The following IFTAP variants were observed in gnomAD, a reference collection of about 807,000 sequenced individuals.
IFTAP encodes the protein intraflagellar transport associated protein.
Under a neutral mutation model 19.4 loss-of-function variants are expected in IFTAP, and 19 were observed. The ratio of observed to expected loss-of-function variants is 0.98; its 90% CI spans 0.68 to 1.44. The LOEUF (loss-of-function observed/expected upper bound fraction) is 1.44, where lower values mean the gene tolerates loss of function less well. Ranked by LOEUF, IFTAP falls within the 40% of genes most tolerant of loss-of-function variation. IFTAP has a pLI of 0.00. For missense variants in IFTAP, 240 were observed against 253.6 expected (o/e 0.95, Z 0.36); for synonymous variants, 85 against 83.5 (o/e 1.02, Z -0.10).
At chr11:36,636,745 A>G (rs1265464901) in intron 4 of IFTAP, among the ~76,000 whole-genome samples, 1 of 151,016 alleles carries the variant, frequency 6.6e-6, no homozygotes, top group Non-Finnish European at 1.5e-5. Context: ...TACTAAAGAT[A>G]TATTGTAAAT....
chr11:36,610,346 C>T, intron 2 of IFTAP, 107 bp downstream of exon 2: 4 of 1,070,474 alleles, frequency 3.7e-6, no homozygotes, highest in Non-Finnish European at 5.3e-6. Flanking sequence ...ACATTCATTC[C>T]ATTCGTTTAT....
intron 2 of IFTAP, 73 bp from the exon 3 acceptor site, chr11:36,633,211 T>G: frequency 7.7e-7 from 1 of 1,301,322 alleles, no homozygotes; most frequent in Non-Finnish European, 1.0e-6. Flanking sequence ...GAAGAAACTT[T>G]CTCAATATAC....
intron 4 of IFTAP, 86 bp downstream of exon 4, chr11:36,636,203 A>G: frequency 1.0e-6 from 1 of 988,058 alleles, no homozygotes; most frequent in Non-Finnish European, 1.6e-6. Flanking sequence ...TGTTTTTGGC[A>G]ATTCTTACCT....
chr11:36,647,154 A>C (rs1853519547), intron 4 of IFTAP, among the ~76,000 whole-genome samples: 1 of 152,094 alleles, frequency 6.6e-6, no homozygotes, highest in African/African-American at 2.4e-5. Flanking sequence ...TGAGAAGTTA[A>C]TTAGTGCCTT....
intron 1 of IFTAP, among the ~76,000 whole-genome samples, chr11:36,599,716 A>T (rs911420436): frequency 2.0e-5 from 3 of 152,166 alleles, no homozygotes; most frequent in Non-Finnish European, 4.4e-5. Context: ...ATCCATCCTT[A>T]AAAAAGCATC....
At chr11:36,605,597 T>C (rs1037479218) in intron 1 of IFTAP, among the ~76,000 whole-genome samples, 1 of 152,150 alleles carries the variant, frequency 6.6e-6, no homozygotes, top group Non-Finnish European at 1.5e-5. Context: ...TAAGGGAGGT[T>C]ATATGATTTT....
intron 1 of IFTAP, chr11:36,594,896 C>T (rs1851145120): frequency 6.6e-6 from 1 of 152,324 alleles, no homozygotes; most frequent in Non-Finnish European, 1.5e-5. Flanking sequence ...CTCAAAACTA[C>T]ACCCCTGACG....
chr11:36,617,792 G>A (rs1349934848), intron 2 of IFTAP, among the ~76,000 whole-genome samples: 2 of 151,816 alleles, frequency 1.3e-5, no homozygotes, highest in African/African-American at 4.8e-5. Flanking sequence ...TATAGCTCAG[G>A]GAACTGAAAG....
intron 1 of IFTAP, among the ~76,000 whole-genome samples, chr11:36,600,960 C>T (rs1381090673): frequency 6.6e-6 from 1 of 152,128 alleles, no homozygotes; most frequent in Admixed American, 6.5e-5. Flanking sequence ...CATAAATTGA[C>T]AAGGGTAACA....
chr11:36,654,796 A>C (rs1853907328), intron 5 of IFTAP, among the ~76,000 whole-genome samples: 1 of 151,552 alleles, frequency 6.6e-6, no homozygotes, highest in South Asian at 2.1e-4. Flanking sequence ...TGCCAATTTC[A>C]CTTTCTACGG....
At chr11:36,627,450 G>A (rs886636792) in intron 2 of IFTAP, among the ~76,000 whole-genome samples, 2 of 151,216 alleles carry the variant, frequency 1.3e-5, no homozygotes, top group Admixed American at 1.3e-4. Context: ...GTGATCCTGG[G>A]TTTGGCTCAA....
intron 2 of IFTAP, 68 bp from the exon 3 acceptor site, chr11:36,633,216 A>G (rs1237703786): frequency 1.5e-6 from 2 of 1,316,484 alleles, no homozygotes; most frequent in Admixed American, 2.9e-5. Flanking sequence ...AACTTTCTCA[A>G]TATACACAAA....
rs753979857 is a variant in IFTAP, at chr11:36,659,201, T to TTG, written c.*26_*27dup. The TTG allele has an allele frequency of 7.1e-6, 11 of 1,554,612 alleles. No homozygotes were observed. Among genetic ancestry groups the TTG allele is most frequent in the South Asian group, 5.0e-5 (4 of 80,642 alleles). On this transcript the variant is annotated 3_prime_UTR_variant, in exon 6 of 6. Coordinates refer to ENST00000334307, the MANE Select transcript of IFTAP (RefSeq NM_138787.4). ...CCTGTGACTGATTCACAGAGGCATT[T>TTG]TGTGTGTGTGTGCTTATTTTAATTT...
In IFTAP at chr11:36,597,189, A is replaced by G. The variant is rs187886240; in HGVS notation, c.-24+2597A>G. ...AAGTGTTTTCACATGATTTTGCCAC[A>G]TTTGGTTTTTGAAATTTTGCTTTAT... is the stretch of plus-strand genomic sequence containing the variant. On this transcript the variant is annotated intron_variant, in intron 1 of 5. Coordinates refer to ENST00000334307, the MANE Select transcript of IFTAP (RefSeq NM_138787.4). Among the ~76,000 whole-genome samples the G allele has an allele frequency of 1.0e-3, 158 of 152,328 alleles. 1 individual carries two copies. The highest frequency in any genetic ancestry group is 3.3e-3 in the South Asian group (16 of 4,832).
At chr11:36,624,490 C>T (rs12417778) in intron 2 of IFTAP, among the ~76,000 whole-genome samples, 17,252 of 152,120 alleles carry the variant, frequency 0.11, 1,150 homozygotes, top group African/African-American at 0.17. Flanking sequence ...TCCTTTAGAC[C>T]CAGACATGGA....
intron 4 of IFTAP, among the ~76,000 whole-genome samples, chr11:36,639,500 A>G (rs1498342): frequency 0.13 from 20,279 of 152,160 alleles, 2,055 homozygotes; most frequent in African/African-American, 0.28. Flanking sequence ...TATTTGGCTC[A>G]TGGTTCTGCA....
intron 4 of IFTAP, among the ~76,000 whole-genome samples, chr11:36,647,432 C>A (rs555215042): frequency 1.3e-5 from 2 of 152,186 alleles, no homozygotes; most frequent in African/African-American, 4.8e-5. Flanking sequence ...TTATTGAATT[C>A]TTGAGATTGT....
intron 4 of IFTAP, among the ~76,000 whole-genome samples, chr11:36,639,991 C>T (rs1031665164): frequency 6.6e-6 from 1 of 152,196 alleles, no homozygotes; most frequent in African/African-American, 2.4e-5. Context: ...TATTTAAGAA[C>T]TGTGGCTGAA....
intron 2 of IFTAP, among the ~76,000 whole-genome samples, chr11:36,627,343 C>T (rs570094095): frequency 6.6e-5 from 10 of 151,130 alleles, no homozygotes; most frequent in Non-Finnish European, 1.2e-4. Flanking sequence ...GTGTAAATTA[C>T]ACCTCAGTAA....
Sources: gnomAD v4.1 joint callset for allele counts (sites outside exome capture counted in the v4.1 genomes callset) on GRCh38, gnomAD v4.1.1 for gene constraint, MANE v1.5 for transcripts, NCBI Gene and HGNC (gene_info 2026-07-23, HGNC 2026-07-21) for gene names.